TMEM63A: variants seen among roughly 807,000 people sequenced by gnomAD.
The protein encoded by TMEM63A is transmembrane protein 63A, also known as mechanosensitive cation channel TMEM63A.
In TMEM63A, 76 loss-of-function variants were observed where a neutral mutation model predicts 100.6. The observed-to-expected ratio is 0.76, with a 90% confidence interval of 0.63 to 0.91. TMEM63A has a LOEUF of 0.91. TMEM63A is among the 40% of genes least tolerant of loss of function. The pLI is 0.00. For synonymous variants in TMEM63A, 401 were observed against 401.1 expected (o/e 1.00, Z 0.00); for missense variants, 876 against 1,008.8 (o/e 0.87, Z 1.78).
downstream of TMEM63A, chr1:225,844,487 T>TGCGTTCC: frequency 4.3e-6 from 7 of 1,614,100 alleles, no homozygotes; most frequent in Non-Finnish European, 5.9e-6. Flanking sequence ...CTTTGTGTTC[T>TGCGTTCC]GCGTTCCCAG....
Position 225,855,910 on chromosome 1 carries a change from G to A in TMEM63A, c.1602C>T (p.Asp534=), listed in dbSNP as rs1189511694. The change falls in exon 18 of 25, where the codon GAC becomes GAT. Residue 534 remains aspartate, a synonymous_variant. Transcript: ENST00000366835. Reference sequence around the variant, plus strand: ...TGATGGAGGCCTCCGAGGAAGTTTTGTCAAAGAGCCACCGGAAGAAAAAAT... The same window carrying A: ...TGATGGAGGCCTCCGAGGAAGTTTTATCAAAGAGCCACCGGAAGAAAAAAT... ...SLDFFFRWLF[D]KTSSEASIRL... 1.2e-6 allele frequency: 2 copies of A among 1,613,936 alleles called. No individual in the cohort carries two copies. Among genetic ancestry groups the A allele is most frequent in the African/African-American group, 2.7e-5 (2 of 74,910 alleles).
At chr1:225,842,533 C>A (rs1668516756), downstream of TMEM63A, 1 of 1,151,894 alleles carries the variant, frequency 8.7e-7, no homozygotes, top group African/African-American at 1.5e-5. Context: ...AACCTCCTCA[C>A]CCTCTTCATC....
intron 20 of TMEM63A, among the ~76,000 whole-genome samples, chr1:225,851,462 T>C (rs1454916610): frequency 6.6e-6 from 1 of 152,184 alleles, no homozygotes; most frequent in African/African-American, 2.4e-5. Flanking sequence ...CTCTGCCTCC[T>C]GAGTTCAAGT....
chr1:225,866,680 T>C lies in TMEM63A; in HGVS notation c.569A>G (p.Asn190Ser), dbSNP rs771654081. 9.9e-6 allele frequency: 16 copies of C among 1,613,864 alleles called. No homozygotes were observed. Among genetic ancestry groups the C allele is most frequent in the East Asian group, 8.9e-5 (4 of 44,882 alleles). The change falls in exon 9 of 25, where the codon AAT becomes AGT. Residue 190 changes from asparagine to serine, a missense_variant and splice_region_variant. Coordinates refer to ENST00000366835, the MANE Select transcript of TMEM63A (RefSeq NM_014698.3). Reference sequence around the variant, plus strand: ...GATGGTGTGCAGCCAAAGGAGGTCATTGCTGAGAGGGAAACCACCTGCCAT... The same window carrying C: ...GATGGTGTGCAGCCAAAGGAGGTCACTGCTGAGAGGGAAACCACCTGCCAT... ...RTTIANLQTD[N>S]DLLWLHTIFA...
chr1:225,844,775 G>C (rs747498271), downstream of TMEM63A: 4 of 1,314,122 alleles, frequency 3.0e-6, no homozygotes, highest in African/African-American at 5.9e-5. Flanking sequence ...ACTAAAGGTC[G>C]AGGTGTTTGG....
At position 225,853,596 on chromosome 1, in the gene TMEM63A, C is replaced by A; in HGVS notation, c.1797+33G>T. 2.0e-6 allele frequency: 3 copies of A among 1,508,744 alleles called. No homozygotes were observed. Among genetic ancestry groups the A allele is most frequent in the Non-Finnish European group, 2.7e-6 (3 of 1,123,400 alleles). 93.5% of individuals were successfully genotyped at this position (1,508,744 alleles called of 1,614,324 possible). A position where few individuals can be genotyped will look rare whatever the true frequency, so the allele number is the denominator to read the frequency against. ...AGTGAAGGGGGACATGGGAGGGAGT[C>A]AGAGGCACAGCCCTGGGCCCAGGGG... On this transcript the variant is annotated intron_variant, in intron 19 of 24. Transcript: ENST00000366835. The surrounding 1 kb of genome is among the most constrained non-coding windows in gnomAD (Gnocchi z 4.0).
intron 14 of TMEM63A, 116 bp downstream of exon 14, chr1:225,860,744 T>C (rs1012156705): frequency 7.6e-7 from 1 of 1,313,932 alleles, no homozygotes; most frequent in East Asian, 2.5e-5. Flanking sequence ...CCCACAGAAT[T>C]GCAGATGTGT....
Position 225,854,918 on chromosome 1 carries a change from G to A in TMEM63A, c.1634+960C>T, listed in dbSNP as rs111589229. Among the ~76,000 whole-genome samples the A allele has an allele frequency of 2.9e-3, 447 of 152,328 alleles. 1 individual carries two copies. Among genetic ancestry groups the A allele is most frequent in the African/African-American group, 0.01 (425 of 41,576 alleles). On this transcript the variant is annotated intron_variant, in intron 18 of 24. Transcript: ENST00000366835. ...GCTGCGAGATGAGAGACCCAAGGCC[G>A]AGCTTCGAGGAGGAAGGCTCGGATA...
In TMEM63A at chr1:225,865,795, C is replaced by A. The variant is rs1308847695; in HGVS notation, c.746+102G>T. 8.3e-7 allele frequency: 1 copy of A among 1,198,978 alleles called. No homozygotes were observed. Among genetic ancestry groups the A allele is most frequent in the South Asian group, 1.3e-5 (1 of 75,994 alleles). 74.3% of individuals were successfully genotyped at this position (1,198,978 alleles called of 1,614,324 possible). ...CTCAGATCTCACCTGGATACCCAAG[C>A]GAGAGACAGAAGGCGCTCACCTAAG... On this transcript the variant is annotated intron_variant, in intron 10 of 24. Coordinates refer to ENST00000366835, the MANE Select transcript of TMEM63A (RefSeq NM_014698.3). This position sits in a 1 kb window ranked among gnomAD's most constrained non-coding sequence, Gnocchi z 4.6.
chr1:225,876,063 C>CAAAAAAAAA (rs532420561), intron 3 of TMEM63A, among the ~76,000 whole-genome samples: 4 of 32,920 alleles, frequency 1.2e-4, no homozygotes, highest in East Asian at 2.5e-3. Flanking sequence ...GACCTTGTCT[C>CAAAAAAAAA]AAAAAAAAAA....
chr1:225,856,848 G>A, intron 16 of TMEM63A, 63 bp downstream of exon 16: 1 of 1,588,592 alleles, frequency 6.3e-7, no homozygotes, highest in South Asian at 1.1e-5. Context: ...TTAGGGTGTG[G>A]ACAAGGGAGC....
downstream of TMEM63A, chr1:225,845,254 C>T (rs1466247419): frequency 6.2e-7 from 1 of 1,614,014 alleles, no homozygotes; most frequent in Non-Finnish European, 8.5e-7. Context: ...CCTATTCCTA[C>T]ATGGTTCGTG....
chr1:225,862,266 G>A lies in TMEM63A; in HGVS notation c.1037C>T (p.Pro346Leu). 6.2e-7 allele frequency: 1 copy of A among 1,614,162 alleles called. No homozygotes were observed. The highest frequency in any genetic ancestry group is 8.5e-7 in the Non-Finnish European group (1 of 1,180,028). The change falls in exon 13 of 25, where the codon CCC (proline) becomes CTC (leucine). Residue 346 changes from proline to leucine, a missense_variant. Physicochemically the swap from Pro to Leu is moderately conservative, Grantham distance 98. This residue lies in a region of TMEM63A where 487 missense variants were observed against 581.9 expected (regional missense o/e 0.84). Coordinates refer to ENST00000366835, the MANE Select transcript of TMEM63A (RefSeq NM_014698.3). The surrounding 1 kb of genome is among the most constrained non-coding windows in gnomAD (Gnocchi z 5.1). The part of the protein sequence containing the change: ...TEEERHVQDQ[P>L]LGMAFVTFQE... ...GAAGGTGACGAAGGCCATTCCCAGG[G>A]GCTGGTCCTGGACGTGGCGTTCTTC...
Position 225,852,654 on chromosome 1 carries a change from G to A in TMEM63A, c.1903+10C>T, listed in dbSNP as rs1226396033. The A allele has an allele frequency of 1.2e-6, 2 of 1,612,124 alleles. No homozygotes were observed. Among genetic ancestry groups the A allele is most frequent in the Non-Finnish European group, 8.5e-7 (1 of 1,179,746 alleles). On this transcript the variant is annotated intron_variant, in intron 20 of 24. Coordinates refer to ENST00000366835, the MANE Select transcript of TMEM63A (RefSeq NM_014698.3). Reference sequence around the variant, plus strand: ...CCATGTACCCTGGGACAGGCTCCAGGGCCACTCACCAAATGGCGCGATGAT... The same window carrying A: ...CCATGTACCCTGGGACAGGCTCCAGAGCCACTCACCAAATGGCGCGATGAT...
chr1:225,875,276 G>T (rs937687698), intron 3 of TMEM63A, among the ~76,000 whole-genome samples: 1 of 152,180 alleles, frequency 6.6e-6, no homozygotes, highest in Admixed American at 6.5e-5. Flanking sequence ...CCTCAGGGCT[G>T]GACTAAGCCG....
intron 5 of TMEM63A, among the ~76,000 whole-genome samples, 172 bp from the exon 6 acceptor site, chr1:225,871,285 G>A (rs941468702): frequency 1.3e-5 from 2 of 152,198 alleles, no homozygotes; most frequent in Admixed American, 6.5e-5. Context: ...TACACCACAT[G>A]CCTGGAACTC....
intron 6 of TMEM63A, 28 bp downstream of exon 6, chr1:225,871,048 C>A (rs1670485299): frequency 6.2e-7 from 1 of 1,613,040 alleles, no homozygotes; most frequent in Non-Finnish European, 8.5e-7. Context: ...CCAAAGGCCC[C>A]CCAGCAGCTG....
rs147191511 is a variant in TMEM63A, at chr1:225,859,098, C to T, written c.1377+98G>A. 166 of 1,551,386 alleles carry T rather than the reference C, an allele frequency of 1.1e-4. No homozygotes were observed. In the African/African-American group the frequency reaches 2.0e-3, roughly 19 times the overall value. ...GCAACATGACCCACTGGTTTAGTTC[C>T]CCGCACACACCCCACTCCTGTCCCC... On this transcript the variant is annotated intron_variant, in intron 15 of 24. Coordinates refer to ENST00000366835, the MANE Select transcript of TMEM63A (RefSeq NM_014698.3).
Position 225,853,829 on chromosome 1 carries a change from C to T in TMEM63A, c.1635-38G>A, listed in dbSNP as rs755670476. 9.7e-6 allele frequency: 15 copies of T among 1,541,696 alleles called. 1 individual carries two copies. The Middle Eastern group carries it at 1.2e-3, about 125-fold the overall frequency. On this transcript the variant is annotated intron_variant, in intron 18 of 24. Coordinates refer to ENST00000366835, the MANE Select transcript of TMEM63A (RefSeq NM_014698.3). This position sits in a 1 kb window ranked among gnomAD's most constrained non-coding sequence, Gnocchi z 4.0. ...GGGCCCAGGTCTGTGAGCTGAGAGCCGCTCTTGGAGGGAGAGGAGGGGCCC... is the reference window on the plus strand; with the variant it reads ...GGGCCCAGGTCTGTGAGCTGAGAGCTGCTCTTGGAGGGAGAGGAGGGGCCC...
Sources: gnomAD v4.1 joint callset for allele counts (sites outside exome capture counted in the v4.1 genomes callset) on GRCh38, gnomAD v4.1.1 for gene constraint, gnomAD v4.1.1 regional missense constraint, Gnocchi (gnomAD v3.1) non-coding constraint, MANE v1.5 for transcripts, NCBI Gene and HGNC (gene_info 2026-07-23, HGNC 2026-07-21) for gene names.